SERINC3: variants seen among roughly 807,000 people sequenced by gnomAD.
SERINC3 encodes the protein serine incorporator 3.
Under a neutral mutation model 52.1 loss-of-function variants are expected in SERINC3, and 22 were observed. That is an observed-to-expected ratio of 0.42 (90% CI 0.30 to 0.60). The LOEUF is 0.60. Among genes scored for constraint, SERINC3 ranks in the 20% least tolerant of loss-of-function variants. The pLI, the probability that SERINC3 is intolerant of heterozygous loss-of-function variation, is 0.16. For synonymous variants in SERINC3, 226 were observed against 212.7 expected, an observed-to-expected ratio of 1.06 and a Z score of -0.54; for missense variants, 564 against 584.6, an observed-to-expected ratio of 0.96 and a Z score of 0.36.
chr20:44,522,026 T>A lies in SERINC3; in HGVS notation c.-75A>T. The A allele has an allele frequency of 6.9e-7, 1 of 1,450,288 alleles. No homozygotes were observed. Among genetic ancestry groups the A allele is most frequent in the East Asian group, 2.5e-5 (1 of 40,222 alleles). 89.8% of individuals were successfully genotyped at this position (1,450,288 alleles called of 1,614,324 possible). A position where few individuals can be genotyped will look rare whatever the true frequency, so the allele number is the denominator to read the frequency against. ...GGTGGTAACTGCCAGCTGAGGTGAC[T>A]CCCCAGAAACATGACGGTTTCTCAG... On this transcript the variant is annotated 5_prime_UTR_variant, in exon 1 of 10. Transcript: ENST00000342374.
intron 4 of SERINC3, among the ~76,000 whole-genome samples, chr20:44,510,774 G>A (rs1054682638): frequency 7.2e-5 from 11 of 152,082 alleles, no homozygotes; most frequent in Admixed American, 3.3e-4. Flanking sequence ...TCGTGCCACG[G>A]CACTCCAGCC....
chr20:44,511,708 C>T (rs545347437), intron 3 of SERINC3, among the ~76,000 whole-genome samples: 1 of 152,178 alleles, frequency 6.6e-6, no homozygotes, highest in South Asian at 2.1e-4. Flanking sequence ...CAGCCATTAA[C>T]TGTTAAGGTC....
rs548121774 is a variant in SERINC3, at chr20:44,499,961, A to T, written c.*335T>A. The T allele has an allele frequency of 1.5e-3, 256 of 174,984 alleles. 1 individual carries two copies. The highest frequency in any genetic ancestry group is 5.9e-3 in the African/African-American group (251 of 42,280). The allele number at this position is 174,984 out of a possible 1,614,324, so 10.8% of individuals were successfully genotyped here. A position where few individuals can be genotyped will look rare whatever the true frequency, so the allele number is the denominator to read the frequency against. ...AAATATATTAAGCATGGCCTCAAAT[A>T]TCCAACATTTTCCTATCTTACATTT... is the stretch of plus-strand genomic sequence containing the variant. On this transcript the variant is annotated 3_prime_UTR_variant, in exon 10 of 10. Transcript: ENST00000342374.
At chr20:44,521,583 G>A (rs1031400783) in intron 1 of SERINC3, among the ~76,000 whole-genome samples, 2 of 152,226 alleles carry the variant, frequency 1.3e-5, no homozygotes, top group African/African-American at 2.4e-5. Flanking sequence ...TGCTTCGGGA[G>A]GAACCGGAGC....
In SERINC3 at chr20:44,500,360, CAGA is replaced by C; in HGVS notation, c.1355_1357del (p.Val452_Cys453delinsGly). On this transcript the variant is annotated inframe_deletion, in exon 10 of 10. Coordinates refer to ENST00000342374, the MANE Select transcript of SERINC3 (RefSeq NM_006811.4). The stretch of plus-strand genomic sequence containing the variant: ...AAGGGTCCAGACGTAAAGCAGGAGG[CAGA>C]CCCAGCTGGAGCTGATCTTGACCCA... 6.2e-7 allele frequency: 1 copy of C among 1,607,222 alleles called. No homozygotes were observed. The highest frequency in any genetic ancestry group is 8.5e-7 in the Non-Finnish European group (1 of 1,176,856).
At chr20:44,521,427 GCTTCTTTCC>G (rs1376840502) in intron 1 of SERINC3, among the ~76,000 whole-genome samples, 1 of 152,168 alleles carries the variant, frequency 6.6e-6, no homozygotes, top group East Asian at 1.9e-4. Flanking sequence ...ATCCACAAGG[GCTTCTTTCC>G]CTTGCACCTG....
rs2064316612 is a variant in SERINC3 at position 44,506,786 on chromosome 20, A to G, written c.783+41T>C. On this transcript the variant is annotated intron_variant, in intron 6 of 9. Transcript: ENST00000342374. ...GTACCTAGATTTTAAGCTTAGAATT[A>G]AAAACCTTTCACAGGAGAAAGAAGT... 4 of 1,392,410 alleles carry G rather than the reference A, an allele frequency of 2.9e-6. No individual in the cohort carries two copies. The South Asian group carries it at 6.8e-5, about 24-fold the overall frequency. 86.3% of individuals were successfully genotyped at this position (1,392,410 alleles called of 1,614,324 possible).
At chr20:44,502,852 C>T (rs901815655) in intron 8 of SERINC3, among the ~76,000 whole-genome samples, 1 of 152,124 alleles carries the variant, frequency 6.6e-6, no homozygotes, top group African/African-American at 2.4e-5. Flanking sequence ...CCACCTCAGC[C>T]TCCTAACGTG....
At chr20:44,513,849 C>A in intron 2 of SERINC3, 30 bp downstream of exon 2, 7 of 1,492,234 alleles carry the variant, frequency 4.7e-6, no homozygotes, top group East Asian at 4.8e-5. Context: ...TAAAAATAAC[C>A]AATACCTTAA....
chr20:44,521,202 C>A (rs2064414377), intron 1 of SERINC3, among the ~76,000 whole-genome samples: 1 of 152,238 alleles, frequency 6.6e-6, no homozygotes, highest in East Asian at 1.9e-4. Flanking sequence ...AGGAATCACG[C>A]TCCTCTGAAG....
chr20:44,518,679 C>G (rs1447713119), intron 1 of SERINC3, among the ~76,000 whole-genome samples: 2 of 139,910 alleles, frequency 1.4e-5, no homozygotes, highest in Non-Finnish European at 3.2e-5. Flanking sequence ...AATTAGAAAG[C>G]CTTGGCTGGG....
Position 44,501,171 on chromosome 20 carries a change from G to A in SERINC3, c.1185C>T (p.Asp395=), listed in dbSNP as rs765418610. Residue 395 remains aspartate, a synonymous_variant, in exon 9 of 10, where the codon GAC becomes GAT. Coordinates refer to ENST00000342374, the MANE Select transcript of SERINC3 (RefSeq NM_006811.4). ...EEDGQPRRAV[D]NEKEGVQYSY... is the part of the protein sequence containing the mutation. ...TATACTGCACTCCCTCTTTCTCGTTGTCCACAGCCCGCCGAGGCTGTCCAT... is the reference window on the plus strand; with the variant it reads ...TATACTGCACTCCCTCTTTCTCGTTATCCACAGCCCGCCGAGGCTGTCCAT... 5.0e-6 allele frequency: 8 copies of A among 1,614,018 alleles called. No individual in the cohort carries two copies. The African/African-American group carries it at 6.7e-5, about 13-fold the overall frequency.
intron 5 of SERINC3, among the ~76,000 whole-genome samples, chr20:44,509,550 A>G (rs1321187088): frequency 6.6e-6 from 1 of 152,096 alleles, no homozygotes; most frequent in East Asian, 1.9e-4. Context: ...ATTTTTAGAG[A>G]CAGGGTCTTG....
intron 1 of SERINC3, among the ~76,000 whole-genome samples, chr20:44,521,539 G>A (rs868434524): frequency 2.0e-5 from 3 of 152,214 alleles, no homozygotes; most frequent in Non-Finnish European, 4.4e-5. Context: ...TATTACTTGA[G>A]CCACCTAGAA....
chr20:44,520,487 A>G (rs1041413336), intron 1 of SERINC3, among the ~76,000 whole-genome samples: 6 of 152,236 alleles, frequency 3.9e-5, no homozygotes, highest in African/African-American at 1.4e-4. Context: ...CACTATCCCA[A>G]GTGAATTAAT....
intron 5 of SERINC3, among the ~76,000 whole-genome samples, chr20:44,508,450 T>C (rs1432431678): frequency 5.9e-5 from 9 of 151,966 alleles, no homozygotes; most frequent in Non-Finnish European, 4.4e-5. Flanking sequence ...TGAGCCATGA[T>C]TGTGCCACTG....
chr20:44,500,152 C>G lies in SERINC3; in HGVS notation c.*144G>C. On this transcript the variant is annotated 3_prime_UTR_variant, in exon 10 of 10. Transcript: ENST00000342374. The stretch of plus-strand genomic sequence containing the variant: ...GATTCTGCATCAAGCATTATTCAAT[C>G]TCACCTTCTGATATAAACCTGCATA... The G allele has an allele frequency of 1.2e-6, 1 of 822,040 alleles. No homozygotes were observed. Among genetic ancestry groups the G allele is most frequent in the Non-Finnish European group, 1.9e-6 (1 of 534,110 alleles). The allele number at this position is 822,040 out of a possible 1,614,324, so 50.9% of individuals were successfully genotyped here.
At position 44,501,069 on chromosome 20, in the gene SERINC3, CT is replaced by C; in HGVS notation, c.1283+3del. The C allele has an allele frequency of 6.2e-7, 1 of 1,607,908 alleles. No individual in the cohort carries two copies. The highest frequency in any genetic ancestry group is 8.5e-7 in the Non-Finnish European group (1 of 1,174,430). On this transcript the variant is annotated splice_donor_region_variant and intron_variant, in intron 9 of 9. Transcript: ENST00000342374. ...CTTCTGTCTGTTTTGTCTGTGTCTCCTACCTGTACCAGCTGGTCAGGGTCAT... is the reference window on the plus strand; with the variant it reads ...CTTCTGTCTGTTTTGTCTGTGTCTCCACCTGTACCAGCTGGTCAGGGTCAT...
chr20:44,508,347 C>T (rs944368041), intron 5 of SERINC3, among the ~76,000 whole-genome samples: 13 of 151,630 alleles, frequency 8.6e-5, no homozygotes, highest in South Asian at 6.3e-4. Context: ...GTGGTGTAGG[C>T]GTGGTAGTGT....
Sources: allele counts gnomAD v4.1 joint callset (sites outside exome capture counted in the v4.1 genomes callset), GRCh38; gene constraint gnomAD v4.1.1; transcripts MANE v1.5; gene names NCBI Gene and HGNC (gene_info 2026-07-23, HGNC 2026-07-21).